Variants in MCU observed in about 807,000 individuals in gnomAD.
MCU encodes calcium uniporter protein, mitochondrial.
A neutral mutation model predicts 45.2 loss-of-function variants in MCU; 12 were observed. The ratio of observed to expected loss-of-function variants is 0.27; its 90% confidence interval spans 0.17 to 0.43. The LOEUF is 0.43. Among genes scored for constraint, MCU ranks in the 20% least tolerant of loss-of-function variants. MCU has a pLI of 1.00. For synonymous variants in MCU, 160 were observed against 165.1 expected, an observed-to-expected ratio of 0.97 and a Z score of 0.24; for missense variants, 324 against 436.7, an observed-to-expected ratio of 0.74 and a Z score of 2.30.
intron 1 of MCU, among the ~76,000 whole-genome samples, chr10:72,703,917 C>A (rs892631797): frequency 4.7e-5 from 6 of 126,940 alleles, no homozygotes; most frequent in East Asian, 2.0e-4. Context: ...ACAACAACAA[C>A]AAAAAACAAC....
chr10:72,864,711 C>G (rs1490881049), intron 4 of MCU, among the ~76,000 whole-genome samples: 2 of 152,140 alleles, frequency 1.3e-5, no homozygotes, highest in Non-Finnish European at 2.9e-5. Context: ...AACACCCCCG[C>G]CACATTGTTC....
intron 6 of MCU, among the ~76,000 whole-genome samples, chr10:72,877,808 A>C (rs550136180): frequency 1.1e-4 from 17 of 152,324 alleles, no homozygotes; most frequent in African/African-American, 4.1e-4. Flanking sequence ...TAGAGGAACC[A>C]AAGCCTTAGA....
intron 6 of MCU, among the ~76,000 whole-genome samples, chr10:72,881,445 T>C (rs1055143873): frequency 6.6e-6 from 1 of 152,086 alleles, no homozygotes; most frequent in African/African-American, 2.4e-5. Flanking sequence ...TCACAGCTAC[T>C]TGGGAGGCTG....
chr10:72,785,024 A>G (rs1011747900), intron 1 of MCU, among the ~76,000 whole-genome samples: 3 of 152,206 alleles, frequency 2.0e-5, no homozygotes, highest in African/African-American at 4.8e-5. Flanking sequence ...TTAGGCTTCT[A>G]CATAGTACAG....
chr10:72,805,451 A>G (rs1446953026), intron 1 of MCU, among the ~76,000 whole-genome samples: 3 of 151,256 alleles, frequency 2.0e-5, no homozygotes, highest in African/African-American at 4.9e-5. Flanking sequence ...ATTTCACCAT[A>G]TTGTCCAGGG....
chr10:72,805,101 C>CTTTCTTTCTCTTTCTTTCTT (rs1554824914), intron 1 of MCU, among the ~76,000 whole-genome samples: 4 of 103,454 alleles, frequency 3.9e-5, no homozygotes, highest in African/African-American at 1.7e-4. Context: ...TTCTTTCTTT[C>CTTTCTTTCTCTTTCTTTCTT]TCTTTCTTTC....
At chr10:72,720,666 T>C (rs1289586401) in intron 1 of MCU, among the ~76,000 whole-genome samples, 1 of 152,244 alleles carries the variant, frequency 6.6e-6, no homozygotes, top group Non-Finnish European at 1.5e-5. Flanking sequence ...GTGTTGAATC[T>C]ATCTTTTTAT....
chr10:72,869,211 G>T (rs1845503018), intron 5 of MCU, among the ~76,000 whole-genome samples: 1 of 152,208 alleles, frequency 6.6e-6, no homozygotes, highest in Non-Finnish European at 1.5e-5. Context: ...ATTACAGTTG[G>T]CCCTCTGTTA....
intron 1 of MCU, among the ~76,000 whole-genome samples, chr10:72,742,312 C>A (rs926911180): frequency 2.6e-5 from 4 of 152,070 alleles, no homozygotes; most frequent in Non-Finnish European, 5.9e-5. Flanking sequence ...ATGAAATTGC[C>A]TAAGGATGCA....
At chr10:72,732,123 T>A (rs563331302) in intron 1 of MCU, among the ~76,000 whole-genome samples, 2 of 152,210 alleles carry the variant, frequency 1.3e-5, no homozygotes, top group Non-Finnish European at 2.9e-5. Context: ...GTTCATGTCT[T>A]TTTTATTTTA....
At chr10:72,865,225 A>G (rs1385835988) in intron 4 of MCU, among the ~76,000 whole-genome samples, 1 of 152,250 alleles carries the variant, frequency 6.6e-6, no homozygotes, top group African/African-American at 2.4e-5. Context: ...TTGGCAGCCT[A>G]AAACAACCCG....
chr10:72,874,961 T>C (rs1845597160), intron 6 of MCU, among the ~76,000 whole-genome samples: 1 of 152,222 alleles, frequency 6.6e-6, no homozygotes, highest in Non-Finnish European at 1.5e-5. Flanking sequence ...TACGTTTTGC[T>C]AAGCCTAATT....
At chr10:72,749,791 G>A (rs922592740) in intron 1 of MCU, among the ~76,000 whole-genome samples, 2 of 152,048 alleles carry the variant, frequency 1.3e-5, no homozygotes, top group Non-Finnish European at 2.9e-5. Context: ...AAATGAGACG[G>A]AGTCTTGCTC....
At chr10:72,880,183 AGAG>A (rs1845679054) in intron 6 of MCU, among the ~76,000 whole-genome samples, 1 of 152,266 alleles carries the variant, frequency 6.6e-6, no homozygotes, top group Non-Finnish European at 1.5e-5. Flanking sequence ...TCACCTTTGA[AGAG>A]GAGGCCCTAG....
intron 1 of MCU, among the ~76,000 whole-genome samples, chr10:72,783,578 T>C (rs1047822615): frequency 1.3e-5 from 2 of 152,234 alleles, no homozygotes; most frequent in Admixed American, 6.5e-5. Flanking sequence ...TCTAGCCTGG[T>C]TTCTTCTGAG....
chr10:72,706,323 C>T (rs1475575072), intron 1 of MCU, among the ~76,000 whole-genome samples: 2 of 151,438 alleles, frequency 1.3e-5, no homozygotes, highest in Non-Finnish European at 2.9e-5. Context: ...ATATGAGATT[C>T]CTACTGCTTC....
chr10:72,881,873 C>G (rs546320533), intron 6 of MCU, among the ~76,000 whole-genome samples: 32 of 152,266 alleles, frequency 2.1e-4, no homozygotes, highest in Non-Finnish European at 3.8e-4. Context: ...CAGGATTGTA[C>G]ATAATAGCCC....
intron 6 of MCU, among the ~76,000 whole-genome samples, chr10:72,874,359 C>T (rs961370418): frequency 2.0e-5 from 3 of 152,134 alleles, no homozygotes; most frequent in Admixed American, 6.6e-5. Context: ...CATCATAGAT[C>T]CAACCTAGCA....
chr10:72,805,103 CTTTCTT>C (rs1310245236), intron 1 of MCU, among the ~76,000 whole-genome samples: 1 of 88,638 alleles, frequency 1.1e-5, no homozygotes, highest in Admixed American at 1.2e-4. Flanking sequence ...CTTTCTTTCT[CTTTCTT>C]TCTTTCTTTC....
Sources: gnomAD v4.1 joint callset for allele counts (sites outside exome capture counted in the v4.1 genomes callset) on GRCh38, gnomAD v4.1.1 for gene constraint, MANE v1.5 for transcripts, NCBI Gene and HGNC (gene_info 2026-07-23, HGNC 2026-07-21) for gene names.